Variants in EPHA5 observed in about 807,000 individuals in gnomAD.
EPHA5 encodes the protein ephrin type-A receptor 5.
EPHA5 carries 60 observed loss-of-function variants against 105.0 expected under a neutral mutation model. That is an observed-to-expected ratio of 0.57 (90% CI 0.46 to 0.71). The LOEUF (loss-of-function observed/expected upper bound fraction) is 0.71. Ranked by LOEUF, EPHA5 falls within the 30% of genes least tolerant of loss-of-function variation. The probability of loss-of-function intolerance (pLI) is 0.00; values close to 1 mark genes in which losing one functional copy is unlikely to be tolerated. For missense variants in EPHA5, 1,218 were observed against 1,274.7 expected (o/e 0.96, Z 0.68); for synonymous variants, 513 against 449.1 (o/e 1.14, Z -1.80).
At chr4:65,414,212 G>A (rs2149017862) in intron 7 of EPHA5, 72 bp downstream of exon 7, 1 of 1,331,634 alleles carries the variant, frequency 7.5e-7, no homozygotes, top group South Asian at 1.2e-5. Context: ...GCCCAGGGAG[G>A]GTATTGATCC....
At chr4:65,472,465 G>A (rs895904360) in intron 5 of EPHA5, among the ~76,000 whole-genome samples, 2 of 152,162 alleles carry the variant, frequency 1.3e-5, no homozygotes, top group African/African-American at 4.8e-5. Context: ...TTTCCATGAG[G>A]GTTCTGCCCT....
chr4:65,592,427 C>A (rs1194580806), intron 3 of EPHA5, among the ~76,000 whole-genome samples: 2 of 151,716 alleles, frequency 1.3e-5, no homozygotes, highest in African/African-American at 4.8e-5. Context: ...AAGGCCATAG[C>A]CTGGTACCAA....
chr4:65,381,683 C>T (rs1057348967), intron 8 of EPHA5, among the ~76,000 whole-genome samples: 2 of 151,586 alleles, frequency 1.3e-5, no homozygotes, highest in Non-Finnish European at 2.9e-5. Context: ...AATGTGTTTC[C>T]GCCAAATTTG....
At chr4:65,440,837 G>A (rs957322788) in intron 5 of EPHA5, among the ~76,000 whole-genome samples, 18 of 151,948 alleles carry the variant, frequency 1.2e-4, no homozygotes, top group Non-Finnish European at 7.4e-5. Context: ...TCTCCCTATG[G>A]GTGTCTTCAG....
At chr4:65,585,120 T>TTGTGTGTG (rs76180882) in intron 3 of EPHA5, among the ~76,000 whole-genome samples, 1,544 of 148,974 alleles carry the variant, frequency 0.01, 6 homozygotes, top group South Asian at 0.033. Flanking sequence ...GCATGTGTGT[T>TTGTGTGTG]TGTGTGTGTG....
At chr4:65,617,226 C>T (rs1031381498) in intron 2 of EPHA5, among the ~76,000 whole-genome samples, 1 of 152,090 alleles carries the variant, frequency 6.6e-6, no homozygotes, top group Non-Finnish European at 1.5e-5. Flanking sequence ...TCCTCTTACA[C>T]GCATTTTTCA....
At chr4:65,665,839 C>T (rs935201293) in intron 1 of EPHA5, among the ~76,000 whole-genome samples, 15 of 152,136 alleles carry the variant, frequency 9.9e-5, no homozygotes, top group South Asian at 6.2e-4. Context: ...AAACTATTCA[C>T]GGTCCCTTGT....
intron 8 of EPHA5, among the ~76,000 whole-genome samples, chr4:65,395,400 G>C (rs1420832734): frequency 3.3e-5 from 5 of 152,138 alleles, no homozygotes; most frequent in African/African-American, 9.7e-5. Context: ...TGTTTGTAAT[G>C]GATAATTGTG....
intron 5 of EPHA5, among the ~76,000 whole-genome samples, chr4:65,463,974 C>T (rs1216918735): frequency 6.6e-6 from 1 of 151,712 alleles, no homozygotes; most frequent in African/African-American, 2.4e-5. Context: ...ATAATTAAGA[C>T]TAAGCATTTC....
At chr4:65,576,103 GAA>G (rs760384286) in intron 3 of EPHA5, among the ~76,000 whole-genome samples, 1 of 75,482 alleles carries the variant, frequency 1.3e-5, no homozygotes, top group Non-Finnish European at 2.8e-5. Flanking sequence ...GAAAAGAAAA[GAA>G]AAGAAAAGAA....
chr4:65,563,899 A>G (rs916102905), intron 3 of EPHA5, among the ~76,000 whole-genome samples: 6 of 152,102 alleles, frequency 3.9e-5, no homozygotes, highest in South Asian at 4.1e-4. Flanking sequence ...TTTAAAAAAT[A>G]TCAAAGGCTA....
At chr4:65,516,659 T>C (rs1420961479) in intron 3 of EPHA5, among the ~76,000 whole-genome samples, 2 of 152,134 alleles carry the variant, frequency 1.3e-5, no homozygotes, top group Admixed American at 6.6e-5. Context: ...AAGTCAGTTA[T>C]TAATTTTGGT....
chr4:65,595,281 A>G (rs1417339272), intron 3 of EPHA5, among the ~76,000 whole-genome samples: 3 of 152,132 alleles, frequency 2.0e-5, no homozygotes, highest in African/African-American at 7.2e-5. Context: ...ATATGTCCAC[A>G]TTCCTAGGAT....
intron 3 of EPHA5, among the ~76,000 whole-genome samples, chr4:65,510,712 T>C (rs1733536203): frequency 6.6e-6 from 1 of 152,182 alleles, no homozygotes. Context: ...TTTAGCTGCC[T>C]TGGTGTCTGT....
At chr4:65,509,128 C>G (rs1455069815) in intron 3 of EPHA5, among the ~76,000 whole-genome samples, 1 of 152,058 alleles carries the variant, frequency 6.6e-6, no homozygotes, top group African/African-American at 2.4e-5. Context: ...GTGCAAGTGT[C>G]CTACTGGGTC....
Position 65,365,924 on chromosome 4 carries a change from T to C in EPHA5, c.1987+8A>G. ...AGTTAAAAATGAAAGTCAAACACATTGTCGTACCTGCTCCAATAACTCTCT... is the reference window on the plus strand; with the variant it reads ...AGTTAAAAATGAAAGTCAAACACATCGTCGTACCTGCTCCAATAACTCTCT... On this transcript the variant is annotated splice_region_variant and intron_variant, in intron 10 of 16. Coordinates refer to ENST00000613740, the MANE Select transcript of EPHA5 (RefSeq NM_001281766.3). 6.3e-7 allele frequency: 1 copy of C among 1,597,738 alleles called. No individual in the cohort carries two copies.
intron 3 of EPHA5, among the ~76,000 whole-genome samples, chr4:65,521,546 C>A (rs1578324547): frequency 6.6e-6 from 1 of 151,692 alleles, no homozygotes; most frequent in Non-Finnish European, 1.5e-5. Flanking sequence ...AGGTTAAAAT[C>A]TGTTATGTAA....
chr4:65,503,616 TATA>T (rs560329875), intron 3 of EPHA5, among the ~76,000 whole-genome samples: 57 of 151,908 alleles, frequency 3.8e-4, no homozygotes, highest in Middle Eastern at 3.4e-3. Context: ...TCAAAGATAA[TATA>T]ATATTTATAA....
intron 3 of EPHA5, among the ~76,000 whole-genome samples, chr4:65,562,896 G>A (rs898139883): frequency 6.6e-5 from 10 of 151,928 alleles, no homozygotes; most frequent in Non-Finnish European, 1.0e-4. Context: ...AGGATTGCTA[G>A]AAACCAGGAG....
Sources: allele counts gnomAD v4.1 joint callset (sites outside exome capture counted in the v4.1 genomes callset), GRCh38; gene constraint gnomAD v4.1.1; transcripts MANE v1.5; gene names NCBI Gene and HGNC (gene_info 2026-07-23, HGNC 2026-07-21).